Variants in COL23A1 observed in about 807,000 individuals in gnomAD.
COL23A1 encodes the protein collagen alpha-1(XXIII) chain.
Under a neutral mutation model 99.3 loss-of-function variants are expected in COL23A1, and 97 were observed. The observed-to-expected ratio is 0.98, with a 90% CI of 0.83 to 1.16. The LOEUF (loss-of-function observed/expected upper bound fraction) is 1.16, where lower values mean the gene tolerates loss of function less well. COL23A1 is among the 50% of genes most tolerant of loss of function. The pLI, the probability that COL23A1 is intolerant of heterozygous loss-of-function variation, is 0.00. For missense variants in COL23A1, 762 were observed against 757.4 expected (o/e 1.01, Z -0.07); for synonymous variants, 320 against 308.2 (o/e 1.04, Z -0.40).
intron 2 of COL23A1, among the ~76,000 whole-genome samples, chr5:178,318,598 GC>G (rs1222195517): frequency 6.6e-6 from 1 of 152,198 alleles, no homozygotes; most frequent in Non-Finnish European, 1.5e-5. Context: ...GAGGGGTGGG[GC>G]GACTCCAGAA....
At chr5:178,262,135 C>A in intron 10 of COL23A1, 82 bp downstream of exon 10, 1 of 1,414,128 alleles carries the variant, frequency 7.1e-7, no homozygotes. Context: ...ACCCTGCTGT[C>A]GGCGTGTGTG....
chr5:178,361,825 T>A (rs1762191062), intron 2 of COL23A1, among the ~76,000 whole-genome samples: 1 of 152,114 alleles, frequency 6.6e-6, no homozygotes, highest in African/African-American at 2.4e-5. Context: ...CTGCTGCAGA[T>A]GAGCTAAGTA....
intron 2 of COL23A1, among the ~76,000 whole-genome samples, chr5:178,379,023 G>A (rs1172457686): frequency 2.0e-5 from 3 of 152,146 alleles, no homozygotes; most frequent in Non-Finnish European, 2.9e-5. Context: ...TCTCACTTGC[G>A]GGTGTGTTTA....
At chr5:178,342,725 A>G (rs548168249) in intron 2 of COL23A1, among the ~76,000 whole-genome samples, 9 of 152,188 alleles carry the variant, frequency 5.9e-5, no homozygotes, top group African/African-American at 2.2e-4. Flanking sequence ...TTTGTTAACA[A>G]CCCTTTATCT....
At chr5:178,328,980 C>T (rs1465049522) in intron 2 of COL23A1, among the ~76,000 whole-genome samples, 1 of 152,208 alleles carries the variant, frequency 6.6e-6, no homozygotes, top group African/African-American at 2.4e-5. Context: ...ACACAGCCAA[C>T]CCCGGGAGGC....
In COL23A1 at chr5:178,335,077, C is replaced by T. The variant is rs1412885630; in HGVS notation, c.362-28158G>A. Among the ~76,000 whole-genome samples the T allele has an allele frequency of 2.6e-5, 4 of 152,228 alleles. No individual in the cohort carries two copies. In the East Asian group the frequency reaches 7.7e-4, roughly 29 times the overall value. ...CTGGGGAGCCTGGTAAGTGGGAAGT[C>T]TCAGAGCGGCTCAGGGCCACAGACC... On this transcript the variant is annotated intron_variant, in intron 2 of 28. Transcript: ENST00000390654.
intron 2 of COL23A1, among the ~76,000 whole-genome samples, chr5:178,513,815 C>CACAGG (rs1562041292): frequency 6.6e-6 from 1 of 152,198 alleles, no homozygotes; most frequent in Non-Finnish European, 1.5e-5. Context: ...TGGAGTCCTT[C>CACAGG]TCAGGGTGTG....
Position 178,560,709 on chromosome 5 carries a change from C to T in COL23A1, c.334G>A (p.Ala112Thr). Residue 112 changes from alanine (A) to threonine (T), a missense_variant, in exon 2 of 29, where the codon GCT (alanine) becomes ACT (threonine). Ala to Thr is a moderately conservative substitution (Grantham distance 58). Coordinates refer to ENST00000390654, the MANE Select transcript of COL23A1 (RefSeq NM_173465.4). ...GLAKIRTARE[A>T]PSECVCPPGP... is the part of the protein sequence containing the mutation. ...GGGGGGCAGACACATTCGGATGGAG[C>T]TTCCCGAGCAGTCCGGATCTTCGCT... 6.2e-7 allele frequency: 1 copy of T among 1,612,868 alleles called. No homozygotes were observed. The highest frequency in any genetic ancestry group is 8.5e-7 in the Non-Finnish European group (1 of 1,179,704).
chr5:178,461,199 CA>C (rs1451840583), intron 2 of COL23A1, among the ~76,000 whole-genome samples: 2 of 152,216 alleles, frequency 1.3e-5, no homozygotes, highest in Non-Finnish European at 2.9e-5. Flanking sequence ...CTTGTGGCCA[CA>C]AGGACTCTCC....
At chr5:178,407,870 A>C (rs1430354461) in intron 2 of COL23A1, among the ~76,000 whole-genome samples, 2 of 152,238 alleles carry the variant, frequency 1.3e-5, no homozygotes, top group African/African-American at 2.4e-5. Context: ...CATTAGTGTC[A>C]GCAAGAGTCC....
chr5:178,550,013 G>T (rs1761919524), intron 2 of COL23A1, among the ~76,000 whole-genome samples: 1 of 152,104 alleles, frequency 6.6e-6, no homozygotes, highest in African/African-American at 2.4e-5. Context: ...AAAGGATCTG[G>T]TTGGGCAAAA....
chr5:178,478,726 G>C (rs1757165047), intron 2 of COL23A1, among the ~76,000 whole-genome samples: 1 of 152,136 alleles, frequency 6.6e-6, no homozygotes. Flanking sequence ...TTTTATCTTT[G>C]ATGCCAGATA....
At chr5:178,454,228 G>A (rs1252246673) in intron 2 of COL23A1, among the ~76,000 whole-genome samples, 1 of 144,286 alleles carries the variant, frequency 6.9e-6, no homozygotes, top group Admixed American at 6.9e-5. Flanking sequence ...AACAAAGCCA[G>A]GCGATGTTTG....
intron 19 of COL23A1, 81 bp from the exon 20 acceptor site, chr5:178,248,335 T>G: frequency 9.4e-7 from 1 of 1,063,752 alleles, no homozygotes; most frequent in Non-Finnish European, 1.4e-6. Context: ...CCTCCCTTCC[T>G]TCCCCCATGT....
At chr5:178,452,517 T>C (rs1767545348) in intron 2 of COL23A1, among the ~76,000 whole-genome samples, 1 of 152,160 alleles carries the variant, frequency 6.6e-6, no homozygotes, top group South Asian at 2.1e-4. Context: ...AACATGTGTA[T>C]CTCTAGAAAC....
intron 2 of COL23A1, among the ~76,000 whole-genome samples, chr5:178,465,454 T>TA (rs1408411283): frequency 2.0e-5 from 3 of 152,110 alleles, no homozygotes; most frequent in Admixed American, 6.5e-5. Context: ...GGCATGGGTT[T>TA]AAAAGCATTC....
At chr5:178,479,803 T>C (rs1000419420) in intron 2 of COL23A1, among the ~76,000 whole-genome samples, 4 of 152,222 alleles carry the variant, frequency 2.6e-5, no homozygotes, top group African/African-American at 9.6e-5. Flanking sequence ...AATATAGTCA[T>C]GCCTCTCTTA....
chr5:178,317,422 C>A (rs568782026), intron 2 of COL23A1, among the ~76,000 whole-genome samples: 147 of 152,152 alleles, frequency 9.7e-4, no homozygotes, highest in Non-Finnish European at 1.7e-3. Flanking sequence ...TAGGCCAAAC[C>A]CCTAGAATTG....
chr5:178,348,859 C>T (rs78442154), intron 2 of COL23A1, among the ~76,000 whole-genome samples: 1 of 152,208 alleles, frequency 6.6e-6, no homozygotes, highest in African/African-American at 2.4e-5. Context: ...GCCAACCCCC[C>T]AGCAGGGAGG....
Sources: gnomAD v4.1 joint callset for allele counts (sites outside exome capture counted in the v4.1 genomes callset) on GRCh38, gnomAD v4.1.1 for gene constraint, MANE v1.5 for transcripts, NCBI Gene and HGNC (gene_info 2026-07-23, HGNC 2026-07-21) for gene names.